Variants in HEMK2 observed in about 807,000 individuals in gnomAD.
The protein encoded by HEMK2 is methyltransferase HEMK2.
the HEMK2 span, among the ~76,000 whole-genome samples, chr21:28,755,834 G>A: frequency 4.6e-5 from 7 of 152,190 alleles, no homozygotes; most frequent in African/African-American, 1.7e-4. Flanking sequence ...TCAATCTACT[G>A]ATGGATTGCA....
chr21:28,671,009 A>C, the HEMK2 span: 2 of 152,132 alleles, frequency 1.3e-5, no homozygotes, highest in Non-Finnish European at 2.9e-5. Flanking sequence ...ATATCAAAGA[A>C]AGTGATGCAA....
At chr21:28,677,746 C>G in the HEMK2 span, among the ~76,000 whole-genome samples, 2 of 152,194 alleles carry the variant, frequency 1.3e-5, no homozygotes, top group African/African-American at 4.8e-5. Flanking sequence ...CACCAATATT[C>G]GCTGTTCTGC....
the HEMK2 span, among the ~76,000 whole-genome samples, chr21:28,713,846 T>C: frequency 6.6e-6 from 1 of 152,224 alleles, no homozygotes; most frequent in East Asian, 1.9e-4. Context: ...ATATGTTACC[T>C]TGCCTCAGGT....
At chr21:28,604,247 CA>C in the HEMK2 span, among the ~76,000 whole-genome samples, 1 of 152,126 alleles carries the variant, frequency 6.6e-6, no homozygotes, top group South Asian at 2.1e-4. Context: ...GAACGTCACA[CA>C]CCAGGGCCTC....
the HEMK2 span, among the ~76,000 whole-genome samples, chr21:28,595,344 C>T: frequency 1.3e-5 from 2 of 152,060 alleles, no homozygotes; most frequent in Admixed American, 1.3e-4. Flanking sequence ...CAACCCTTCC[C>T]AGCCTCTGAT....
At chr21:28,741,493 C>T in the HEMK2 span, among the ~76,000 whole-genome samples, 1 of 152,124 alleles carries the variant, frequency 6.6e-6, no homozygotes, top group Non-Finnish European at 1.5e-5. Flanking sequence ...TATTTCATCA[C>T]CCAGGTTATT....
the HEMK2 span, among the ~76,000 whole-genome samples, chr21:28,744,460 G>A: frequency 1.3e-5 from 2 of 152,086 alleles, no homozygotes; most frequent in South Asian, 2.1e-4. Flanking sequence ...CAGTGTCTGT[G>A]GAAGGGTAGA....
chr21:28,741,745 C>G, the HEMK2 span, among the ~76,000 whole-genome samples: 2 of 152,134 alleles, frequency 1.3e-5, no homozygotes, highest in African/African-American at 4.8e-5. Context: ...TTCCTTTTTA[C>G]GGCAGCATAG....
At chr21:28,757,617 A>C in the HEMK2 span, among the ~76,000 whole-genome samples, 2 of 152,232 alleles carry the variant, frequency 1.3e-5, no homozygotes, top group African/African-American at 4.8e-5. Flanking sequence ...TTGTCTGCAG[A>C]TGAGAAGTTG....
the HEMK2 span, among the ~76,000 whole-genome samples, chr21:28,805,968 T>C: frequency 7.3e-4 from 111 of 152,338 alleles, no homozygotes; most frequent in Admixed American, 2.2e-3. Flanking sequence ...ACTCTGATTT[T>C]TCAGCAGTTT....
chr21:28,815,874 C>T, the HEMK2 span, among the ~76,000 whole-genome samples: 1 of 151,874 alleles, frequency 6.6e-6, no homozygotes, highest in South Asian at 2.1e-4. Context: ...TATTATGGCC[C>T]CCTGAATTTA....
At chr21:28,866,336 C>G in the HEMK2 span, among the ~76,000 whole-genome samples, 876 of 150,012 alleles carry the variant, frequency 5.8e-3, 14 homozygotes, top group African/African-American at 0.02. Flanking sequence ...GCGATCCTAG[C>G]TACTCGGGAG....
At chr21:28,833,919 G>T in the HEMK2 span, among the ~76,000 whole-genome samples, 1 of 152,200 alleles carries the variant, frequency 6.6e-6, no homozygotes, top group Non-Finnish European at 1.5e-5. Flanking sequence ...CCCAAGAAAG[G>T]CCTGTTTTCA....
chr21:28,795,829 TATATG>T, the HEMK2 span, among the ~76,000 whole-genome samples: 1 of 152,200 alleles, frequency 6.6e-6, no homozygotes, highest in Non-Finnish European at 1.5e-5. Context: ...AATTATCAGG[TATATG>T]ATAATTAATT....
At chr21:28,580,537 C>A in the HEMK2 span, among the ~76,000 whole-genome samples, 2 of 148,140 alleles carry the variant, frequency 1.4e-5, no homozygotes, top group African/African-American at 2.5e-5. Context: ...GTTCAACTAG[C>A]TTGGCTAAAA....
the HEMK2 span, chr21:28,882,250 C>T: frequency 6.2e-7 from 1 of 1,609,486 alleles, no homozygotes; most frequent in Non-Finnish European, 8.5e-7. Context: ...TATCAGTGCA[C>T]CTATAAACAG....
At chr21:28,868,123 T>G in the HEMK2 span, among the ~76,000 whole-genome samples, 5 of 152,210 alleles carry the variant, frequency 3.3e-5, no homozygotes, top group African/African-American at 4.8e-5. Flanking sequence ...TCAGTTTATT[T>G]ATCTTTGGGT....
the HEMK2 span, among the ~76,000 whole-genome samples, chr21:28,834,958 T>C: frequency 2.0e-5 from 3 of 152,124 alleles, no homozygotes; most frequent in Middle Eastern, 3.4e-3. Flanking sequence ...CCTGGGAATC[T>C]CACCCCCATC....
chr21:28,765,921 C>T, the HEMK2 span, among the ~76,000 whole-genome samples: 1 of 152,060 alleles, frequency 6.6e-6, no homozygotes, highest in Admixed American at 6.6e-5. Context: ...TACCACCATA[C>T]TCCTGCAAGA....
Sources: gnomAD v4.1 joint callset for allele counts (sites outside exome capture counted in the v4.1 genomes callset) on GRCh38, gnomAD v4.1.1 for gene constraint, MANE v1.5 for transcripts, NCBI Gene and HGNC (gene_info 2026-07-23, HGNC 2026-07-21) for gene names.